Variants in KLF12 observed in about 807,000 individuals in gnomAD.
The protein encoded by KLF12 is Krueppel-like factor 12.
In KLF12, 9 loss-of-function variants were observed where a neutral mutation model predicts 37.8. That is an observed-to-expected ratio of 0.24 (90% confidence interval 0.14 to 0.42). The LOEUF (loss-of-function observed/expected upper bound fraction) is 0.42. Ranked by LOEUF, KLF12 falls within the 10% of genes least tolerant of loss-of-function variation. The pLI is 1.00. For missense variants in KLF12, 411 were observed against 516.0 expected (o/e 0.80, Z 1.97); for synonymous variants, 208 against 202.1 (o/e 1.03, Z -0.25).
rs1016553982 is a variant in KLF12 at position 73,702,262 on chromosome 13, T to C, written c.1028-6591A>G. 1.1e-4 allele frequency among the ~76,000 whole-genome samples: 17 copies of C among 152,308 alleles called. No homozygotes were observed. In the East Asian group the frequency reaches 3.3e-3, roughly 29 times the overall value. ...TGAAAACGGCTGTCTCTTTCAATTT[T>C]GGTTAAAGAAAAGGATTAAGAGTCA... On this transcript the variant is annotated intron_variant, in intron 7 of 7. Transcript: ENST00000377669.
chr13:73,864,772 C>T (rs2138828431), intron 3 of KLF12, among the ~76,000 whole-genome samples: 1 of 152,028 alleles, frequency 6.6e-6, no homozygotes, highest in South Asian at 2.1e-4. Context: ...TAATCACTGA[C>T]ATGAGAAGAT....
intron 3 of KLF12, among the ~76,000 whole-genome samples, chr13:73,936,920 A>G (rs1309690912): frequency 1.3e-5 from 2 of 152,200 alleles, no homozygotes; most frequent in African/African-American, 4.8e-5. Context: ...GGCCAGGCGC[A>G]GTGGCTCAGG....
At chr13:73,898,619 G>A (rs1364803471) in intron 3 of KLF12, among the ~76,000 whole-genome samples, 1 of 152,142 alleles carries the variant, frequency 6.6e-6, no homozygotes, top group African/African-American at 2.4e-5. Flanking sequence ...CCTCTGTCTG[G>A]GATGACAGGG....
At chr13:74,011,252 A>T (rs1892543504) in intron 1 of KLF12, among the ~76,000 whole-genome samples, 1 of 151,894 alleles carries the variant, frequency 6.6e-6, no homozygotes. Flanking sequence ...AAAAAAAAAA[A>T]AAAAAGCCAT....
At chr13:74,179,395 A>G in the KLF12 span, among the ~76,000 whole-genome samples, 2 of 152,250 alleles carry the variant, frequency 1.3e-5, no homozygotes, top group Non-Finnish European at 2.9e-5. Flanking sequence ...CATTGCATCA[A>G]GGAAGATGCT....
At chr13:74,093,235 C>T (rs1236404802) in intron 1 of KLF12, among the ~76,000 whole-genome samples, 1 of 152,208 alleles carries the variant, frequency 6.6e-6, no homozygotes, top group Admixed American at 6.5e-5. Flanking sequence ...AGAAATGCTA[C>T]AGCGGGCGGA....
intron 1 of KLF12, among the ~76,000 whole-genome samples, chr13:74,074,986 A>ATT: frequency 6.6e-6 from 1 of 152,364 alleles, no homozygotes; most frequent in Admixed American, 6.5e-5. Context: ...ACAAATATTT[A>ATT]TTAGGCATCT....
intron 2 of KLF12, among the ~76,000 whole-genome samples, chr13:73,993,634 A>T (rs1799466547): frequency 6.6e-6 from 1 of 152,260 alleles, no homozygotes; most frequent in African/African-American, 2.4e-5. Flanking sequence ...AGAAAAGTAA[A>T]TTTACTACCT....
At chr13:74,006,310 T>C (rs1236748895) in intron 1 of KLF12, among the ~76,000 whole-genome samples, 1 of 152,162 alleles carries the variant, frequency 6.6e-6, no homozygotes, top group African/African-American at 2.4e-5. Flanking sequence ...TTTTGAAGAT[T>C]CTCTCTCCCT....
chr13:73,893,940 C>A (rs1034186785), intron 3 of KLF12, among the ~76,000 whole-genome samples: 9 of 152,196 alleles, frequency 5.9e-5, no homozygotes, highest in Middle Eastern at 3.4e-3. Context: ...AAGGAAGAGA[C>A]AATGTTATCA....
chr13:73,874,652 A>G (rs1886620281), intron 3 of KLF12, among the ~76,000 whole-genome samples: 1 of 152,156 alleles, frequency 6.6e-6, no homozygotes, highest in Non-Finnish European at 1.5e-5. Flanking sequence ...ACACAAGTAC[A>G]TCCTATTATA....
intron 7 of KLF12, among the ~76,000 whole-genome samples, chr13:73,709,633 TA>T (rs1321097364): frequency 2.0e-5 from 3 of 152,334 alleles, no homozygotes; most frequent in Non-Finnish European, 4.4e-5. Context: ...AAAATAATGT[TA>T]TTTGACTGAT....
chr13:74,167,592 C>T, the KLF12 span, among the ~76,000 whole-genome samples: 22 of 152,120 alleles, frequency 1.4e-4, no homozygotes, highest in Admixed American at 9.2e-4. Flanking sequence ...ACATTAAGCC[C>T]GTCAATTTGG....
At position 74,133,886 on chromosome 13, in the gene KLF12, C is replaced by T. The variant is rs947571622; in HGVS notation, c.-179G>A. 6.6e-6 allele frequency among the ~76,000 whole-genome samples: 1 copy of T among 152,162 alleles called. No individual in the cohort carries two copies. The highest frequency in any genetic ancestry group is 1.5e-5 in the Non-Finnish European group (1 of 68,034). On this transcript the variant is annotated 5_prime_UTR_variant, in exon 1 of 8. Transcript: ENST00000377669. ...ACGGCGTCACCCGCGCACACGCACA[C>T]GCAGAGCCTCTCAGCGGCTCTCTGC... is the stretch of plus-strand genomic sequence containing the variant.
chr13:73,887,017 G>A (rs4885125), intron 3 of KLF12, among the ~76,000 whole-genome samples: 24 of 148,802 alleles, frequency 1.6e-4, no homozygotes, highest in East Asian at 4.0e-4. Context: ...AACAAGAAAA[G>A]AAAAGTATAA....
At chr13:74,265,182 G>T in the KLF12 span, among the ~76,000 whole-genome samples, 1 of 152,128 alleles carries the variant, frequency 6.6e-6, no homozygotes, top group Non-Finnish European at 1.5e-5. Context: ...CTTGTCAGTT[G>T]GGGATATTGA....
At chr13:73,807,800 C>T (rs1003981258) in intron 5 of KLF12, among the ~76,000 whole-genome samples, 2 of 152,116 alleles carry the variant, frequency 1.3e-5, no homozygotes, top group African/African-American at 2.4e-5. Context: ...ACCTTTCACC[C>T]CACTCTTCCT....
At chr13:74,267,568 C>G in the KLF12 span, among the ~76,000 whole-genome samples, 9 of 152,076 alleles carry the variant, frequency 5.9e-5, no homozygotes, top group Non-Finnish European at 1.3e-4. Flanking sequence ...TGATGGCTAC[C>G]ACAGGCTGGA....
At chr13:74,294,384 G>A in the KLF12 span, among the ~76,000 whole-genome samples, 2 of 151,984 alleles carry the variant, frequency 1.3e-5, no homozygotes, top group South Asian at 2.1e-4. Flanking sequence ...AATTTTTAAG[G>A]AGGTCATTTA....
Sources: allele counts gnomAD v4.1 joint callset (sites outside exome capture counted in the v4.1 genomes callset), GRCh38; gene constraint gnomAD v4.1.1; transcripts MANE v1.5; gene names NCBI Gene and HGNC (gene_info 2026-07-23, HGNC 2026-07-21).